Variants in ASTN2 observed in about 807,000 individuals in gnomAD.
The protein encoded by ASTN2 is astrotactin-2.
A neutral mutation model predicts 139.8 loss-of-function variants in ASTN2; 54 were observed. The ratio of observed to expected loss-of-function variants is 0.39; its 90% confidence interval spans 0.31 to 0.48. The LOEUF is 0.48. Among genes scored for constraint, ASTN2 ranks in the 20% least tolerant of loss-of-function variants. ASTN2 has a pLI of 0.95. For synonymous variants in ASTN2, 756 were observed against 719.5 expected (o/e 1.05, Z -0.81); for missense variants, 1,565 against 1,725.1 (o/e 0.91, Z 1.64).
chr9:116,986,476 G>A lies in ASTN2; in HGVS notation c.1592-9691C>T, dbSNP rs569130728. 5.3e-5 allele frequency among the ~76,000 whole-genome samples: 8 copies of A among 152,330 alleles called. No individual in the cohort carries two copies. The South Asian group carries it at 1.7e-3, about 32-fold the overall frequency. ...GCACAAGGTGTGATTCAGGCTAGAA[G>A]AGGAGTGTGCAGGAGGTATAGGAGC... On this transcript the variant is annotated intron_variant, in intron 7 of 22. Coordinates refer to ENST00000313400, the MANE Select transcript of ASTN2 (RefSeq NM_001365068.1).
chr9:116,629,590 C>G (rs1047874637), intron 17 of ASTN2, among the ~76,000 whole-genome samples: 2 of 148,724 alleles, frequency 1.3e-5, no homozygotes, highest in African/African-American at 5.1e-5. Context: ...CAGATCCCCC[C>G]ATACAGTGAA....
intron 10 of ASTN2, among the ~76,000 whole-genome samples, chr9:116,893,816 A>G (rs1282954435): frequency 6.6e-6 from 1 of 151,986 alleles, no homozygotes; most frequent in African/African-American, 2.4e-5. Context: ...TGCTTTCTCT[A>G]TCCCAAGCCC....
chr9:117,266,633 A>T (rs1238994653), intron 2 of ASTN2, among the ~76,000 whole-genome samples: 6 of 152,208 alleles, frequency 3.9e-5, no homozygotes, highest in Non-Finnish European at 8.8e-5. Context: ...ACCTGCAAAA[A>T]AATAAGTTGC....
chr9:116,671,899 T>C (rs559449688), intron 16 of ASTN2, among the ~76,000 whole-genome samples: 95 of 152,158 alleles, frequency 6.2e-4, no homozygotes, highest in Non-Finnish European at 1.1e-3. Context: ...ATTAACTTGA[T>C]TGCAGTTTTG....
chr9:116,434,832 C>A (rs1245881392), intron 22 of ASTN2, among the ~76,000 whole-genome samples: 1 of 152,140 alleles, frequency 6.6e-6, no homozygotes, highest in Non-Finnish European at 1.5e-5. Flanking sequence ...GTCGTAAGAA[C>A]CAGGCTCTGG....
Position 116,777,133 on chromosome 9 carries a change from G to A in ASTN2, c.2396+28499C>T, listed in dbSNP as rs1264485778. ...ATCTGGTTGGACAATGGAGCCAATA[G>A]GTGCTGATGCATGGTACTGCTCCAA... is the stretch of plus-strand genomic sequence containing the variant. On this transcript the variant is annotated intron_variant, in intron 13 of 22. Transcript: ENST00000313400. 3.3e-5 allele frequency among the ~76,000 whole-genome samples: 5 copies of A among 152,256 alleles called. No individual in the cohort carries two copies. The East Asian group carries it at 9.7e-4, about 29-fold the overall frequency.
chr9:117,032,422 C>G (rs1838273118), intron 6 of ASTN2, among the ~76,000 whole-genome samples: 1 of 152,128 alleles, frequency 6.6e-6, no homozygotes, highest in Non-Finnish European at 1.5e-5. Flanking sequence ...CCACAGTATT[C>G]AAAGATCTGC....
At chr9:117,409,008 C>A (rs948496171) in intron 1 of ASTN2, among the ~76,000 whole-genome samples, 4 of 152,164 alleles carry the variant, frequency 2.6e-5, no homozygotes, top group Non-Finnish European at 5.9e-5. Flanking sequence ...TATAATGTCC[C>A]AGAAACCTAG....
intron 12 of ASTN2, among the ~76,000 whole-genome samples, chr9:116,813,489 C>T (rs1831222110): frequency 6.6e-6 from 1 of 152,192 alleles, no homozygotes; most frequent in South Asian, 2.1e-4. Context: ...GGTCTTCTTA[C>T]TCCAAATCCT....
intron 13 of ASTN2, among the ~76,000 whole-genome samples, chr9:116,786,723 T>C (rs573557567): frequency 1.9e-3 from 290 of 152,328 alleles, no homozygotes; most frequent in Non-Finnish European, 3.4e-3. Flanking sequence ...TGTAAAGAAA[T>C]CAGTTTAAAA....
At chr9:116,435,033 C>T (rs1406007193) in intron 22 of ASTN2, among the ~76,000 whole-genome samples, 1 of 152,202 alleles carries the variant, frequency 6.6e-6, no homozygotes, top group Non-Finnish European at 1.5e-5. Flanking sequence ...CTGGAAAAAA[C>T]TCTTATCCCT....
chr9:117,359,383 A>G (rs904317874), intron 1 of ASTN2, among the ~76,000 whole-genome samples: 2 of 152,240 alleles, frequency 1.3e-5, no homozygotes, highest in African/African-American at 2.4e-5. Flanking sequence ...AAGTAAAGTA[A>G]CAAATAAACT....
chr9:116,871,457 G>A (rs2132353479), intron 10 of ASTN2, among the ~76,000 whole-genome samples: 1 of 152,206 alleles, frequency 6.6e-6, no homozygotes, highest in Non-Finnish European at 1.5e-5. Context: ...TCTATCATAA[G>A]TCCCTGCCTA....
At chr9:116,957,536 G>A (rs930667047) in intron 10 of ASTN2, among the ~76,000 whole-genome samples, 2 of 152,194 alleles carry the variant, frequency 1.3e-5, no homozygotes, top group African/African-American at 4.8e-5. Context: ...GGTCTCTTGG[G>A]ATCTTTGAAT....
chr9:116,968,529 T>C (rs1226640957), intron 10 of ASTN2, among the ~76,000 whole-genome samples: 2 of 151,770 alleles, frequency 1.3e-5, no homozygotes, highest in Admixed American at 6.6e-5. Flanking sequence ...AGCATGCATG[T>C]TCTCTCTGCT....
At chr9:117,314,169 C>T (rs891509951) in intron 1 of ASTN2, among the ~76,000 whole-genome samples, 1 of 152,160 alleles carries the variant, frequency 6.6e-6, no homozygotes, top group Non-Finnish European at 1.5e-5. Context: ...TTTCATAAAA[C>T]ACTGCTAACA....
chr9:116,831,603 A>C (rs968423322), intron 11 of ASTN2, among the ~76,000 whole-genome samples: 3 of 152,196 alleles, frequency 2.0e-5, no homozygotes, highest in Admixed American at 6.5e-5. Flanking sequence ...TATTTTGTAG[A>C]GTAAAAAAAT....
intron 19 of ASTN2, among the ~76,000 whole-genome samples, chr9:116,572,497 T>C (rs1016660471): frequency 2.6e-5 from 4 of 152,148 alleles, no homozygotes; most frequent in African/African-American, 9.7e-5. Context: ...AAGCGAGATG[T>C]TTTGGAGAAT....
intron 1 of ASTN2, among the ~76,000 whole-genome samples, chr9:117,295,104 T>C (rs1271896101): frequency 6.6e-6 from 1 of 152,110 alleles, no homozygotes. Flanking sequence ...GGCGGATCAC[T>C]TGAAGCCAGG....
Sources: allele counts gnomAD v4.1 joint callset (sites outside exome capture counted in the v4.1 genomes callset), GRCh38; gene constraint gnomAD v4.1.1; transcripts MANE v1.5; gene names NCBI Gene and HGNC (gene_info 2026-07-23, HGNC 2026-07-21).